Variants in IFI44L observed in about 807,000 individuals in gnomAD.
IFI44L encodes the protein interferon induced protein 44 like.
A neutral mutation model predicts 39.3 loss-of-function variants in IFI44L; 40 were observed. That is an observed-to-expected ratio of 1.02 (90% CI 0.79 to 1.33). The LOEUF (loss-of-function observed/expected upper bound fraction) is 1.33, where lower values mean the gene tolerates loss of function less well. Among genes scored for constraint, IFI44L ranks in the 40% most tolerant of loss-of-function variants. The probability of loss-of-function intolerance (pLI) is 0.00; values close to 1 mark genes in which losing one functional copy is unlikely to be tolerated. For synonymous variants in IFI44L, 198 were observed against 182.3 expected, an observed-to-expected ratio of 1.09 and a Z score of -0.69; for missense variants, 623 against 549.0, an observed-to-expected ratio of 1.13 and a Z score of -1.35.
intron 4 of IFI44L, among the ~76,000 whole-genome samples, chr1:78,630,430 C>G (rs1458037293): frequency 6.6e-6 from 1 of 152,072 alleles, no homozygotes; most frequent in African/African-American, 2.4e-5. Flanking sequence ...AAAAGATATA[C>G]ATAAGGAAAT....
At chr1:78,639,525 A>G (rs925613186) in intron 6 of IFI44L, among the ~76,000 whole-genome samples, 4 of 152,098 alleles carry the variant, frequency 2.6e-5, no homozygotes, top group African/African-American at 7.2e-5. Context: ...AGTGTCTCCA[A>G]AAGCCAATCT....
chr1:78,632,625 G>A (rs1378620928), intron 4 of IFI44L, among the ~76,000 whole-genome samples: 1 of 152,026 alleles, frequency 6.6e-6, no homozygotes, highest in African/African-American at 2.4e-5. Flanking sequence ...GTTGAGCTTT[G>A]CTATATTACA....
At chr1:78,623,571 G>C (rs1000018323) in intron 1 of IFI44L, among the ~76,000 whole-genome samples, 1 of 152,018 alleles carries the variant, frequency 6.6e-6, no homozygotes, top group Non-Finnish European at 1.5e-5. Context: ...TTTGTTATGG[G>C]AGGTGGCTCA....
chr1:78,624,924 C>A (rs1166996346), intron 1 of IFI44L, among the ~76,000 whole-genome samples: 2 of 152,150 alleles, frequency 1.3e-5, no homozygotes, highest in Non-Finnish European at 2.9e-5. Context: ...GCGGTTCTTG[C>A]AGTTACCATT....
In IFI44L at chr1:78,641,596, T is replaced by A; in HGVS notation, c.1311T>A (p.Pro437=). The part of the protein sequence containing the change: ...RAADDFLEDL[P]LEETGAIERA... Reference sequence around the variant, plus strand: ...CAGATGATTTTTTAGAAGATTTGCCTCTTGAGGAAACTGGTAATCTGGCCC... The same window carrying A: ...CAGATGATTTTTTAGAAGATTTGCCACTTGAGGAAACTGGTAATCTGGCCC... The change falls in exon 8 of 9, where the codon CCT becomes CCA. Residue 437 remains proline, a synonymous_variant. Transcript: ENST00000370751. The A allele has an allele frequency of 6.2e-7, 1 of 1,613,526 alleles. No individual in the cohort carries two copies. The highest frequency in any genetic ancestry group is 1.3e-5 in the African/African-American group (1 of 74,980).
chr1:78,629,254 A>G (rs1286574506), intron 3 of IFI44L, among the ~76,000 whole-genome samples: 1 of 152,200 alleles, frequency 6.6e-6, no homozygotes, highest in Non-Finnish European at 1.5e-5. Flanking sequence ...TAACCATTTT[A>G]GGTAATTTCT....
intron 4 of IFI44L, among the ~76,000 whole-genome samples, chr1:78,631,213 T>C (rs1430162941): frequency 6.6e-6 from 1 of 152,160 alleles, no homozygotes; most frequent in Non-Finnish European, 1.5e-5. Context: ...TAAAAGACTC[T>C]TTCCTTTGAA....
intron 1 of IFI44L, chr1:78,620,947 C>T (rs1471586255): frequency 3.3e-5 from 5 of 152,178 alleles, no homozygotes; most frequent in African/African-American, 1.2e-4. Flanking sequence ...TTTTAAGCTT[C>T]CACGTGTGAG....
intron 3 of IFI44L, 52 bp from the exon 4 acceptor site, chr1:78,629,668 G>T: frequency 7.4e-7 from 1 of 1,353,476 alleles, no homozygotes; most frequent in Non-Finnish European, 1.0e-6. Context: ...GTTCTTTATG[G>T]TATTCTTTAT....
rs202038831 is a variant in IFI44L, at chr1:78,637,146, C to T, written c.991C>T (p.Leu331Phe). Residue 331 changes from leucine to phenylalanine, a missense_variant, in exon 6 of 9, where the codon CTC (leucine) becomes TTC (phenylalanine). Coordinates refer to ENST00000370751, the MANE Select transcript of IFI44L (RefSeq NM_006820.4). ...YVLDINSIDN[L>F]YSKMLAKVKQ... ...CTTAGACATCAACTCTATTGACAATCTCTACTCTAAAATGTTGGCAAAAGT... is the reference window on the plus strand; with the variant it reads ...CTTAGACATCAACTCTATTGACAATTTCTACTCTAAAATGTTGGCAAAAGT... The T allele has an allele frequency of 2.5e-6, 4 of 1,609,978 alleles. No individual in the cohort carries two copies. Among genetic ancestry groups the T allele is most frequent in the African/African-American group, 1.3e-5 (1 of 74,716 alleles).
intron 4 of IFI44L, 180 bp downstream of exon 4, chr1:78,630,095 A>G: frequency 1.7e-6 from 1 of 594,776 alleles, no homozygotes; most frequent in Admixed American, 3.3e-5. Flanking sequence ...AGAAGCTTTC[A>G]AATTTTATGG....
At chr1:78,639,568 G>C (rs1046574775) in intron 6 of IFI44L, among the ~76,000 whole-genome samples, 2 of 152,074 alleles carry the variant, frequency 1.3e-5, no homozygotes. Flanking sequence ...AACCTAGAGA[G>C]CTCATCTCTG....
At chr1:78,627,835 A>G (rs991834713) in intron 1 of IFI44L, 71 bp from the exon 2 acceptor site, 1 of 831,804 alleles carries the variant, frequency 1.2e-6, no homozygotes, top group Middle Eastern at 2.8e-4. Flanking sequence ...CACTGAAAGT[A>G]GAAGTGGAAA....
chr1:78,634,518 A>G (rs1192918643), intron 4 of IFI44L, among the ~76,000 whole-genome samples: 1 of 152,154 alleles, frequency 6.6e-6, no homozygotes, highest in Non-Finnish European at 1.5e-5. Context: ...AGGGATAAAG[A>G]TTTTCCTGGA....
rs75831055 is a variant in IFI44L at position 78,624,425 on chromosome 1, G to T, written c.-10-3481G>T. ...ATATTGATTTCTAGTTTCATTACATGGTTATGAGGAAAGACTTGATATGGT... is the reference window on the plus strand; with the variant it reads ...ATATTGATTTCTAGTTTCATTACATTGTTATGAGGAAAGACTTGATATGGT... On this transcript the variant is annotated intron_variant, in intron 1 of 8. Transcript: ENST00000370751. Among the ~76,000 whole-genome samples the T allele has an allele frequency of 3.7e-3, 558 of 152,272 alleles. 2 individuals carry two copies. Among genetic ancestry groups the T allele is most frequent in the African/African-American group, 0.013 (541 of 41,554 alleles).
In IFI44L at chr1:78,630,100, T is replaced by G. The variant is rs115110596; in HGVS notation, c.723+185T>G. The G allele has an allele frequency of 2.1e-3, 1,217 of 589,960 alleles. 16 individuals carry two copies. The highest frequency in any genetic ancestry group is 0.02 in the African/African-American group (1,040 of 52,508). The allele number at this position is 589,960 out of a possible 1,614,324, so 36.5% of individuals were successfully genotyped here. A position where few individuals can be genotyped will look rare whatever the true frequency, so the allele number is the denominator to read the frequency against. On this transcript the variant is annotated intron_variant, in intron 4 of 8. Coordinates refer to ENST00000370751, the MANE Select transcript of IFI44L (RefSeq NM_006820.4). ...TATTATACAGAGAAGCTTTCAAATT[T>G]TATGGATGGAAGAAGCAGTTATATA...
chr1:78,636,064 C>T (rs1652940328), intron 5 of IFI44L: 1 of 148,390 alleles, frequency 6.7e-6, no homozygotes, highest in African/African-American at 2.5e-5. Context: ...AGTTTAAGTT[C>T]TCAAAAAAGC....
In IFI44L at chr1:78,644,150, C is replaced by A. The variant is rs192801932; in HGVS notation, c.*2341C>A. On this transcript the variant is annotated 3_prime_UTR_variant, in exon 9 of 9. Coordinates refer to ENST00000370751, the MANE Select transcript of IFI44L (RefSeq NM_006820.4). ...GATTGAAGGTTCACCATCATCCTCACCAACTTTTGGGCCATAATTCACCCA... is the reference window on the plus strand; with the variant it reads ...GATTGAAGGTTCACCATCATCCTCAACAACTTTTGGGCCATAATTCACCCA... The A allele has an allele frequency of 2.6e-5, 4 of 152,052 alleles. No individual in the cohort carries two copies. The highest frequency in any genetic ancestry group is 5.9e-5 in the Non-Finnish European group (4 of 68,024). The allele number at this position is 152,052 out of a possible 1,614,324, so 9.4% of individuals were successfully genotyped here.
chr1:78,627,579 G>A (rs1652539749), intron 1 of IFI44L: 1 of 162,450 alleles, frequency 6.2e-6, no homozygotes, highest in South Asian at 2.0e-4. Flanking sequence ...GAGACCATAT[G>A]GCCTACAAAG....
Sources: gnomAD v4.1 joint callset for allele counts (sites outside exome capture counted in the v4.1 genomes callset) on GRCh38, gnomAD v4.1.1 for gene constraint, MANE v1.5 for transcripts, NCBI Gene and HGNC (gene_info 2026-07-23, HGNC 2026-07-21) for gene names.